HNRNPM: variants seen among roughly 807,000 people sequenced by gnomAD.
HNRNPM encodes the protein CEA receptor.
A neutral mutation model predicts 73.1 loss-of-function variants in HNRNPM; 11 were observed. That is an observed-to-expected ratio of 0.15 (90% CI 0.09 to 0.25). The LOEUF is 0.25. Among genes scored for constraint, HNRNPM ranks in the 10% least tolerant of loss-of-function variants. The probability of loss-of-function intolerance (pLI) is 1.00; values close to 1 mark genes in which losing one functional copy is unlikely to be tolerated. For synonymous variants in HNRNPM, 407 were observed against 355.2 expected, an observed-to-expected ratio of 1.15 and a Z score of -1.64; for missense variants, 789 against 1,067.9, an observed-to-expected ratio of 0.74 and a Z score of 3.64.
At chr19:8,474,346 T>G in intron 12 of HNRNPM, 102 bp downstream of exon 12, 4 of 666,788 alleles carry the variant, frequency 6.0e-6, no homozygotes, top group Non-Finnish European at 9.8e-6. Context: ...GGTTTCTCAC[T>G]TCTGCTTTTC....
chr19:8,461,772 G>A (rs542861301), intron 2 of HNRNPM, among the ~76,000 whole-genome samples: 9 of 152,114 alleles, frequency 5.9e-5, no homozygotes, highest in South Asian at 4.1e-4. Flanking sequence ...AATGAAGCCT[G>A]GCCTAATTCA....
chr19:8,451,132 C>T (rs901065587), intron 1 of HNRNPM, among the ~76,000 whole-genome samples: 3 of 152,178 alleles, frequency 2.0e-5, no homozygotes, highest in South Asian at 2.1e-4. Context: ...GTCTCAAACT[C>T]CTGACCTAAG....
intron 1 of HNRNPM, among the ~76,000 whole-genome samples, chr19:8,455,152 T>TA (rs536276363): frequency 8.7e-4 from 132 of 152,138 alleles, no homozygotes; most frequent in African/African-American, 3.0e-3. Context: ...TTTATATATA[T>TA]TTTTTTGTTG....
At chr19:8,477,961 G>C (rs1175860074) in intron 12 of HNRNPM, among the ~76,000 whole-genome samples, 1 of 152,208 alleles carries the variant, frequency 6.6e-6, no homozygotes, top group African/African-American at 2.4e-5. Flanking sequence ...TGGTAGTGGT[G>C]GTGGAGGGTA....
At chr19:8,461,633 G>T (rs1969404319) in intron 2 of HNRNPM, among the ~76,000 whole-genome samples, 2 of 152,156 alleles carry the variant, frequency 1.3e-5, no homozygotes, top group African/African-American at 4.8e-5. Context: ...CTTTTGAAAT[G>T]CTTTGGTTTT....
intron 2 of HNRNPM, among the ~76,000 whole-genome samples, chr19:8,460,128 T>G (rs1277421453): frequency 1.3e-5 from 2 of 152,266 alleles, no homozygotes; most frequent in African/African-American, 4.8e-5. Flanking sequence ...CTCTGGATGG[T>G]TTGCTCGTTA....
chr19:8,474,145 G>T (rs766316875), intron 11 of HNRNPM, 22 bp from the exon 12 acceptor site: 11 of 1,557,394 alleles, frequency 7.1e-6, no homozygotes, highest in South Asian at 6.0e-5. Flanking sequence ...GGATGATGCT[G>T]AAATGTGAAC....
chr19:8,467,710 G>A (rs1033017758), intron 8 of HNRNPM, 126 bp downstream of exon 8: 4 of 759,108 alleles, frequency 5.3e-6, no homozygotes, highest in Non-Finnish European at 9.3e-6. Context: ...GGTGCAGTAT[G>A]TTGAGCAAAA....
intron 12 of HNRNPM, among the ~76,000 whole-genome samples, chr19:8,479,771 AATTTTT>A (rs2035732791): frequency 1.3e-5 from 1 of 75,730 alleles, no homozygotes; most frequent in Non-Finnish European, 2.7e-5. Flanking sequence ...AAAAAAAAAA[AATTTTT>A]TTTTTTTTTT....
chr19:8,486,950 C>A, intron 14 of HNRNPM, 74 bp from the exon 15 acceptor site: 1 of 1,194,914 alleles, frequency 8.4e-7, no homozygotes, highest in Non-Finnish European at 1.3e-6. Context: ...GCATGGCCCT[C>A]AGAGCCAGCT....
At chr19:8,477,248 C>T (rs947390542) in intron 12 of HNRNPM, among the ~76,000 whole-genome samples, 11 of 152,144 alleles carry the variant, frequency 7.2e-5, no homozygotes, top group African/African-American at 1.9e-4. Context: ...TTTCAGCCTG[C>T]GTGAGATGGA....
intron 2 of HNRNPM, 69 bp downstream of exon 2, chr19:8,455,643 GTTA>G: frequency 7.4e-7 from 1 of 1,354,544 alleles, no homozygotes; most frequent in Admixed American, 1.9e-5. Context: ...TAATTCCTTG[GTTA>G]TTTTTGGTCA....
chr19:8,477,660 CAAAAAAAAAAAAAAAAAAAAAAAAA>C (rs35193948), intron 12 of HNRNPM, among the ~76,000 whole-genome samples: 2 of 117,094 alleles, frequency 1.7e-5, no homozygotes, highest in African/African-American at 3.7e-5. Context: ...AACCCTGTCT[CAAAAAAAAAAAAAAAAAAAAAAAAA>C]AAAAAAAAGA....
chr19:8,480,068 C>T (rs988754145), intron 12 of HNRNPM, among the ~76,000 whole-genome samples: 20 of 142,036 alleles, frequency 1.4e-4, no homozygotes, highest in East Asian at 1.1e-3. Context: ...CCACCGCACC[C>T]GGCCAAAGAA....
At chr19:8,478,985 T>C (rs553125002) in intron 12 of HNRNPM, among the ~76,000 whole-genome samples, 2 of 152,166 alleles carry the variant, frequency 1.3e-5, no homozygotes, top group South Asian at 4.2e-4. Context: ...AGTTGGAAGG[T>C]CTTGAGTATT....
chr19:8,488,794 G>A lies in HNRNPM; in HGVS notation c.2133G>A (p.Met711Ile). 1 of 1,614,164 alleles carries A rather than the reference G, an allele frequency of 6.2e-7. No homozygotes were observed. Among genetic ancestry groups the A allele is most frequent in the Non-Finnish European group, 8.5e-7 (1 of 1,180,016 alleles). The change falls in exon 16 of 16, where the codon ATG (methionine) becomes ATA (isoleucine). Residue 711 changes from methionine to isoleucine, a missense_variant. Physicochemically the swap from Met to Ile is conservative, Grantham distance 10. Coordinates refer to ENST00000325495, the MANE Select transcript of HNRNPM (RefSeq NM_005968.5). ...SPEVAERACR[M>I]MNGMKLSGRE... ...AGGTGGCCGAGAGAGCCTGCCGGAT[G>A]ATGAATGGCATGAAGCTGAGTGGCC...
At chr19:8,479,755 TAAAA>T (rs1178134145) in intron 12 of HNRNPM, among the ~76,000 whole-genome samples, 1 of 83,228 alleles carries the variant, frequency 1.2e-5, no homozygotes, top group African/African-American at 4.6e-5. Context: ...GCGGTGTATT[TAAAA>T]AAAAAAAAAA....
intron 12 of HNRNPM, among the ~76,000 whole-genome samples, chr19:8,478,742 G>A (rs914815891): frequency 1.3e-5 from 2 of 152,162 alleles, no homozygotes; most frequent in Non-Finnish European, 2.9e-5. Flanking sequence ...GCAGGCTGTG[G>A]GAATGGAAAC....
At position 8,455,417 on chromosome 19, in the gene HNRNPM, A is replaced by T; in HGVS notation, c.126A>T (p.Arg42=). The T allele has an allele frequency of 6.2e-7, 1 of 1,613,716 alleles. No homozygotes were observed. Residue 42 remains arginine, a synonymous_variant, in exon 2 of 16, where the codon CGA becomes CGT. Transcript: ENST00000325495. ...GAPGPKGEGE[R]PAQNEKRKEK... is the part of the protein sequence containing the mutation. ...CTCTCGAATTCAGTGAAGGAGAACG[A>T]CCTGCTCAGAATGAGAAGAGGAAGG... is the stretch of plus-strand genomic sequence containing the variant.
Sources: allele counts gnomAD v4.1 joint callset (sites outside exome capture counted in the v4.1 genomes callset), GRCh38; gene constraint gnomAD v4.1.1; transcripts MANE v1.5; gene names NCBI Gene and HGNC (gene_info 2026-07-23, HGNC 2026-07-21).